The following NELL1 variants were observed in gnomAD, a reference collection of about 807,000 sequenced individuals.
NELL1 encodes the protein protein kinase C-binding protein NELL1.
NELL1 carries 76 observed loss-of-function variants against 107.4 expected under a neutral mutation model. That is an observed-to-expected ratio of 0.71 (90% CI 0.59 to 0.86). The LOEUF (loss-of-function observed/expected upper bound fraction) is 0.86, where lower values mean the gene tolerates loss of function less well. Ranked by LOEUF, NELL1 falls within the 40% of genes least tolerant of loss-of-function variation. The pLI is 0.00. For synonymous variants in NELL1, 353 were observed against 341.2 expected, an observed-to-expected ratio of 1.03 and a Z score of -0.38; for missense variants, 1,024 against 1,005.5, an observed-to-expected ratio of 1.02 and a Z score of -0.25.
chr11:21,167,966 A>T (rs1452999310), intron 13 of NELL1, among the ~76,000 whole-genome samples: 1 of 151,634 alleles, frequency 6.6e-6, no homozygotes, highest in African/African-American at 2.4e-5. Context: ...CCTTTAGAGT[A>T]CTCACCAGAA....
chr11:21,016,886 A>T (rs966032240), intron 12 of NELL1, among the ~76,000 whole-genome samples: 1 of 152,098 alleles, frequency 6.6e-6, no homozygotes, highest in African/African-American at 2.4e-5. Flanking sequence ...AAGCATTGTA[A>T]TATGACTGCA....
intron 4 of NELL1, among the ~76,000 whole-genome samples, chr11:20,871,835 T>C (rs893043000): frequency 7.3e-5 from 11 of 151,522 alleles, no homozygotes; most frequent in Non-Finnish European, 1.3e-4. Context: ...CTGGCTAACA[T>C]GGTGAAACCC....
chr11:20,771,004 C>T (rs1379044604), intron 2 of NELL1: 1 of 142,418 alleles, frequency 7.0e-6, no homozygotes, highest in Non-Finnish European at 1.5e-5. Flanking sequence ...TCTGGAAAGA[C>T]CCCTCTAGCT....
intron 5 of NELL1, among the ~76,000 whole-genome samples, chr11:20,904,842 C>G (rs564034384): frequency 1.6e-4 from 24 of 150,290 alleles, no homozygotes; most frequent in African/African-American, 5.9e-4. Context: ...CTTTTTTCTT[C>G]TTTTGAGACA....
chr11:20,758,413 A>G (rs1401791), intron 2 of NELL1, among the ~76,000 whole-genome samples: 3 of 152,068 alleles, frequency 2.0e-5, no homozygotes, highest in African/African-American at 7.2e-5. Flanking sequence ...CTCATCTTCC[A>G]CTACATCACG....
Position 21,040,244 on chromosome 11 carries a change from A to T in NELL1, c.1301-73345A>T, listed in dbSNP as rs150578503. Among the ~76,000 whole-genome samples the T allele has an allele frequency of 1.1e-4, 17 of 152,156 alleles. 1 individual carries two copies. The highest frequency in any genetic ancestry group is 3.6e-4 in the African/African-American group (15 of 41,538). Reference sequence around the variant, plus strand: ...TCATTAGAATTACTTGTAAACATCAATTGAATGGTTGAACAATATCCTATC... The same window carrying T: ...TCATTAGAATTACTTGTAAACATCATTTGAATGGTTGAACAATATCCTATC... On this transcript the variant is annotated intron_variant, in intron 12 of 19. Transcript: ENST00000357134.
chr11:20,921,197 A>T (rs1564967740), intron 7 of NELL1, among the ~76,000 whole-genome samples: 1 of 152,180 alleles, frequency 6.6e-6, no homozygotes, highest in Non-Finnish European at 1.5e-5. Flanking sequence ...CTTATAGGAC[A>T]TACAAAAGTA....
At chr11:21,498,174 T>C (rs969852836) in intron 15 of NELL1, among the ~76,000 whole-genome samples, 6 of 151,726 alleles carry the variant, frequency 4.0e-5, no homozygotes, top group African/African-American at 1.2e-4. Flanking sequence ...ATTGGAATAT[T>C]GTAGATTTGA....
intron 2 of NELL1, among the ~76,000 whole-genome samples, chr11:20,744,332 A>G (rs1855955153): frequency 6.6e-6 from 1 of 152,190 alleles, no homozygotes; most frequent in African/African-American, 2.4e-5. Context: ...CATCCATATT[A>G]TTATACTATT....
At position 21,183,368 on chromosome 11, in the gene NELL1, T is replaced by A. The variant is rs60362379; in HGVS notation, c.1427-45964T>A. 4.7e-3 allele frequency among the ~76,000 whole-genome samples: 709 copies of A among 152,044 alleles called. 26 individuals carry two copies. Among genetic ancestry groups the A allele is most frequent in the African/African-American group, 0.017 (689 of 41,292 alleles). On this transcript the variant is annotated intron_variant, in intron 13 of 19. Transcript: ENST00000357134. ...TAGAAACATTTAAATGTAGATTTTC[T>A]TTTAAAATTACTTTTACAGGTTTCA...
At chr11:21,239,211 C>G (rs1372999707) in intron 14 of NELL1, among the ~76,000 whole-genome samples, 2 of 151,994 alleles carry the variant, frequency 1.3e-5, no homozygotes, top group African/African-American at 4.8e-5. Flanking sequence ...TGTGGTACTT[C>G]ATAAACATTA....
intron 15 of NELL1, among the ~76,000 whole-genome samples, chr11:21,533,347 A>G (rs1038837976): frequency 2.4e-4 from 36 of 152,166 alleles, no homozygotes; most frequent in Admixed American, 2.2e-3. Flanking sequence ...TGCAAAGTAC[A>G]TTTTGTTCAT....
intron 10 of NELL1, among the ~76,000 whole-genome samples, chr11:20,941,423 C>T (rs1342800697): frequency 6.6e-6 from 1 of 152,164 alleles, no homozygotes; most frequent in Admixed American, 6.6e-5. Flanking sequence ...TGAAATTTTA[C>T]CTAGCTGTTA....
intron 2 of NELL1, among the ~76,000 whole-genome samples, chr11:20,736,243 C>T (rs1352630972): frequency 6.6e-6 from 1 of 152,060 alleles, no homozygotes; most frequent in East Asian, 1.9e-4. Flanking sequence ...CATGCCTTCT[C>T]ACATGCTCTC....
At chr11:21,210,713 A>G (rs1264991540) in intron 13 of NELL1, among the ~76,000 whole-genome samples, 1 of 152,228 alleles carries the variant, frequency 6.6e-6, no homozygotes, top group Non-Finnish European at 1.5e-5. Flanking sequence ...CTTGCTTCAA[A>G]GAAAGCCTCT....
Position 21,040,884 on chromosome 11 carries a change from G to A in NELL1, c.1301-72705G>A, listed in dbSNP as rs531180158. 1.9e-4 allele frequency among the ~76,000 whole-genome samples: 29 copies of A among 152,206 alleles called. No individual in the cohort carries two copies. The South Asian group carries it at 4.0e-3, about 21-fold the overall frequency. ...AAATTCTAAAAGGATACCATTGTAC[G>A]AGGAATGATTAAGGGAGAGCAGAGG... On this transcript the variant is annotated intron_variant, in intron 12 of 19. Coordinates refer to ENST00000357134, the MANE Select transcript of NELL1 (RefSeq NM_006157.5).
At chr11:20,943,166 C>T (rs1313792564) in intron 10 of NELL1, among the ~76,000 whole-genome samples, 1 of 151,270 alleles carries the variant, frequency 6.6e-6, no homozygotes, top group Admixed American at 6.6e-5. Context: ...TTATTCTGTG[C>T]AAAAAAGTTA....
chr11:21,235,527 TA>T (rs1387020702), intron 14 of NELL1, among the ~76,000 whole-genome samples: 2 of 152,140 alleles, frequency 1.3e-5, no homozygotes, highest in South Asian at 4.2e-4. Flanking sequence ...AGCGGGGAGG[TA>T]TATCTTTGGT....
chr11:20,977,556 A>C (rs1368362800), intron 12 of NELL1, among the ~76,000 whole-genome samples: 1 of 152,168 alleles, frequency 6.6e-6, no homozygotes, highest in African/African-American at 2.4e-5. Flanking sequence ...GAGCCACTGC[A>C]CCCGGCTGGC....
Sources: gnomAD v4.1 joint callset for allele counts (sites outside exome capture counted in the v4.1 genomes callset) on GRCh38, gnomAD v4.1.1 for gene constraint, MANE v1.5 for transcripts, NCBI Gene and HGNC (gene_info 2026-07-23, HGNC 2026-07-21) for gene names.